The following PPP2R2C variants were observed in gnomAD, a reference collection of about 807,000 sequenced individuals.
PPP2R2C encodes protein phosphatase 2, regulatory subunit B, gamma.
PPP2R2C carries 10 observed loss-of-function variants against 45.3 expected under a neutral mutation model. The ratio of observed to expected loss-of-function variants is 0.22; its 90% CI spans 0.14 to 0.37. The LOEUF is 0.37. Ranked by LOEUF, PPP2R2C falls within the 10% of genes least tolerant of loss-of-function variation. PPP2R2C has a pLI of 1.00. For missense variants in PPP2R2C, 308 were observed against 619.7 expected, an observed-to-expected ratio of 0.50 and a Z score of 5.34; for synonymous variants, 257 against 245.4, an observed-to-expected ratio of 1.05 and a Z score of -0.44.
chr4:6,544,694 G>C (rs1724918578), intron 1 of PPP2R2C, among the ~76,000 whole-genome samples: 1 of 152,138 alleles, frequency 6.6e-6, no homozygotes, highest in African/African-American at 2.4e-5. Flanking sequence ...CCTGTGCTCG[G>C]GCAGAAAAGG....
At chr4:6,349,111 C>T in intron 5 of PPP2R2C, 2 of 985,442 alleles carry the variant, frequency 2.0e-6, no homozygotes, top group Non-Finnish European at 2.4e-6. Context: ...CCCCGAGCTT[C>T]TCTCCGGCTT....
At chr4:6,537,688 C>G (rs549587213) in intron 1 of PPP2R2C, among the ~76,000 whole-genome samples, 113 of 151,668 alleles carry the variant, frequency 7.5e-4, no homozygotes, top group Non-Finnish European at 1.4e-3. Context: ...GTAGCTGGAA[C>G]TACAGGTGCC....
chr4:6,347,925 G>A lies in PPP2R2C; in HGVS notation c.711C>T (p.Leu237=). The A allele has an allele frequency of 1.9e-6, 3 of 1,614,066 alleles. No homozygotes were observed. The highest frequency in any genetic ancestry group is 3.3e-5 in the Admixed American group (2 of 60,010). Reference sequence around the variant, plus strand: ...AGCCCTTGCTGCTGCTGTAGACGAAGAGGTTGCAGTGGTGCGGATGGAACT... The same window carrying A: ...AGCCCTTGCTGCTGCTGTAGACGAAAAGGTTGCAGTGGTGCGGATGGAACT... ...ASEFHPHHCN[L]FVYSSSKGSL... Residue 237 remains leucine (L), a synonymous_variant, in exon 6 of 9, where the codon CTC becomes CTT. Transcript: ENST00000382599.
rs1723497292 is a variant in PPP2R2C at position 6,511,549 on chromosome 4, GT to G, written c.49+23721del. Among the ~76,000 whole-genome samples, 2 of 33,826 alleles carry G rather than the reference GT, an allele frequency of 5.9e-5. 1 individual carries two copies. The highest frequency in any genetic ancestry group is 5.9e-4 in the Admixed American group (2 of 3,380). 22.2% of individuals were successfully genotyped at this position (33,826 alleles called of 152,430 possible). ...GATGGTGGTGGTGGTGGTGGTGATG[GT>G]GGTGGTGGTGGTGGTGGTGGTGATG... On this transcript the variant is annotated intron_variant, in intron 2 of 9. Transcript: ENST00000506140.
At chr4:6,327,493 C>T (rs1463287408) in intron 8 of PPP2R2C, among the ~76,000 whole-genome samples, 3 of 152,196 alleles carry the variant, frequency 2.0e-5, no homozygotes, top group Non-Finnish European at 4.4e-5. Flanking sequence ...GGCAGTGGGT[C>T]GCAGCCAGCG....
Position 6,328,179 on chromosome 4 carries a change from G to A in PPP2R2C, c.1052+1083C>T, listed in dbSNP as rs942204512. On this transcript the variant is annotated intron_variant, in intron 8 of 8. Coordinates refer to ENST00000382599, the MANE Select transcript of PPP2R2C (RefSeq NM_020416.4). This position sits in a 1 kb window ranked among gnomAD's most constrained non-coding sequence, Gnocchi z 4.4. ...AGGTGATGCCCAAGTCAGGGCTGCT[G>A]GCTCTCACTCCACCCTCCTTGCCCA... Among the ~76,000 whole-genome samples the A allele has an allele frequency of 2.6e-5, 4 of 152,214 alleles. No individual in the cohort carries two copies. Among genetic ancestry groups the A allele is most frequent in the African/African-American group, 9.6e-5 (4 of 41,468 alleles).
rs1011657978 is a variant in PPP2R2C at position 6,345,598 on chromosome 4, G to A, written c.790+2248C>T. Among the ~76,000 whole-genome samples, 2 of 152,126 alleles carry A rather than the reference G, an allele frequency of 1.3e-5. No individual in the cohort carries two copies. The highest frequency in any genetic ancestry group is 2.4e-5 in the African/African-American group (1 of 41,426). On this transcript the variant is annotated intron_variant, in intron 6 of 8. Transcript: ENST00000382599. This position sits in a 1 kb window ranked among gnomAD's most constrained non-coding sequence, Gnocchi z 5.3. ...TGTGGGCTGGGAGGATGGGGGAGGGGCCACGTGCCAGGGAACGCAGCGCCT... is the reference window on the plus strand; with the variant it reads ...TGTGGGCTGGGAGGATGGGGGAGGGACCACGTGCCAGGGAACGCAGCGCCT...
intron 2 of PPP2R2C, among the ~76,000 whole-genome samples, chr4:6,511,801 G>A (rs1340257869): frequency 2.8e-5 from 1 of 36,198 alleles, no homozygotes; most frequent in Non-Finnish European, 6.2e-5. Flanking sequence ...GATGGTGATG[G>A]TGGTGTTGGT....
intron 2 of PPP2R2C, among the ~76,000 whole-genome samples, chr4:6,510,268 A>C (rs1342389415): frequency 6.6e-6 from 1 of 151,142 alleles, no homozygotes; most frequent in Non-Finnish European, 1.5e-5. Flanking sequence ...GACCCTGAAG[A>C]TTCACTAGCC....
intron 2 of PPP2R2C, among the ~76,000 whole-genome samples, chr4:6,484,473 G>T (rs1722468499): frequency 6.6e-6 from 1 of 150,838 alleles, no homozygotes; most frequent in Non-Finnish European, 1.5e-5. Flanking sequence ...TAGGTCCTTT[G>T]TATTTCTATA....
chr4:6,410,247 G>GAA (rs2109365875), intron 1 of PPP2R2C, among the ~76,000 whole-genome samples: 1 of 152,288 alleles, frequency 6.6e-6, no homozygotes, highest in African/African-American at 2.4e-5. Flanking sequence ...GAGCAGGCTG[G>GAA]GCGCACTTGT....
chr4:6,429,267 A>G (rs914670044), intron 1 of PPP2R2C, among the ~76,000 whole-genome samples: 3 of 152,182 alleles, frequency 2.0e-5, no homozygotes, highest in African/African-American at 7.2e-5. Context: ...TCTAACTTCA[A>G]CACCGCACTT....
upstream of PPP2R2C, among the ~76,000 whole-genome samples, chr4:6,475,394 C>G (rs1239341972): frequency 6.6e-6 from 1 of 152,172 alleles, no homozygotes; most frequent in African/African-American, 2.4e-5. Flanking sequence ...ATCCTCACTC[C>G]GTGTCCCTTC....
chr4:6,368,545 G>T lies in PPP2R2C; in HGVS notation c.625+3978C>A, dbSNP rs964871155. On this transcript the variant is annotated intron_variant, in intron 5 of 8. Coordinates refer to ENST00000382599, the MANE Select transcript of PPP2R2C (RefSeq NM_020416.4). This position sits in a 1 kb window ranked among gnomAD's most constrained non-coding sequence, Gnocchi z 4.2. ...TCTGTGTGTTCGGGACGGGACAGGA[G>T]GCAAGGCTCACGGTAACGGCCAGGG... Among the ~76,000 whole-genome samples the T allele has an allele frequency of 1.3e-5, 2 of 152,162 alleles. No homozygotes were observed. Among genetic ancestry groups the T allele is most frequent in the Non-Finnish European group, 2.9e-5 (2 of 68,040 alleles).
chr4:6,338,315 A>C (rs1476935980), intron 6 of PPP2R2C, among the ~76,000 whole-genome samples: 8 of 152,142 alleles, frequency 5.3e-5, no homozygotes, highest in Admixed American at 5.2e-4. Flanking sequence ...TAGGGCTCTC[A>C]TGGCTCGAGC....
At chr4:6,473,192 T>C (rs1376708786), upstream of PPP2R2C, among the ~76,000 whole-genome samples, 1 of 151,768 alleles carries the variant, frequency 6.6e-6, no homozygotes. Context: ...GGCTCTGAGA[T>C]CTCTCCTCAT....
intron 1 of PPP2R2C, among the ~76,000 whole-genome samples, chr4:6,557,399 G>GAAAGA (rs1276089990): frequency 6.6e-6 from 1 of 152,070 alleles, no homozygotes; most frequent in Non-Finnish European, 1.5e-5. Flanking sequence ...AAGAAAGAAA[G>GAAAGA]AAAGAAAAGA....
chr4:6,445,400 A>G (rs1720368123), intron 1 of PPP2R2C, among the ~76,000 whole-genome samples: 1 of 152,248 alleles, frequency 6.6e-6, no homozygotes. Flanking sequence ...AATTTAGCCA[A>G]GTTTGCAAAA....
Position 6,372,695 on chromosome 4 carries a change from T to C in PPP2R2C, c.453A>G (p.Pro151=), listed in dbSNP as rs1381536240. The change falls in exon 5 of 9, where the codon CCA becomes CCG. Residue 151 remains proline, a synonymous_variant. Transcript: ENST00000382599. ...DLSTVTSLQV[P]VLKPMDLMVE... ...CCATCAGATCCATGGGCTTCAGCAC[T>C]GGCACCTGCAGAGGATGAGGAGGCA... is the stretch of plus-strand genomic sequence containing the variant. 2.5e-6 allele frequency: 4 copies of C among 1,613,888 alleles called. No homozygotes were observed. Among genetic ancestry groups the C allele is most frequent in the Non-Finnish European group, 3.4e-6 (4 of 1,179,784 alleles).
Sources: gnomAD v4.1 joint callset for allele counts (sites outside exome capture counted in the v4.1 genomes callset) on GRCh38, gnomAD v4.1.1 for gene constraint, Gnocchi (gnomAD v3.1) non-coding constraint, MANE v1.5 for transcripts, NCBI Gene and HGNC (gene_info 2026-07-23, HGNC 2026-07-21) for gene names.